SEMA4D: variants seen among roughly 807,000 people sequenced by gnomAD.
The protein encoded by SEMA4D is semaphorin 4D, also known as semaphorin-4D.
Under a neutral mutation model 74.8 loss-of-function variants are expected in SEMA4D, and 22 were observed. The ratio of observed to expected loss-of-function variants is 0.29; its 90% confidence interval spans 0.21 to 0.42. SEMA4D has a LOEUF of 0.42. Among genes scored for constraint, SEMA4D ranks in the 10% least tolerant of loss-of-function variants. The probability of loss-of-function intolerance (pLI) is 1.00; values close to 1 mark genes in which losing one functional copy is unlikely to be tolerated. For missense variants in SEMA4D, 937 were observed against 1,118.4 expected, an observed-to-expected ratio of 0.84 and a Z score of 2.31; for synonymous variants, 445 against 463.7, an observed-to-expected ratio of 0.96 and a Z score of 0.52.
At chr9:89,400,006 CAAAAAAAAAAAAAA>C (rs33925502) in intron 4 of SEMA4D, among the ~76,000 whole-genome samples, 3 of 58,980 alleles carry the variant, frequency 5.1e-5, no homozygotes, top group African/African-American at 1.8e-4. Flanking sequence ...GACTCCGTCT[CAAAAAAAAAAAAAA>C]AAAAAAAAAA....
At chr9:89,491,830 G>A (rs1825652163) in intron 1 of SEMA4D, among the ~76,000 whole-genome samples, 1 of 152,144 alleles carries the variant, frequency 6.6e-6, no homozygotes. Flanking sequence ...AATGCTCACA[G>A]TCCACCAGCG....
At position 89,491,879 on chromosome 9, in the gene SEMA4D, G is replaced by A. The variant is rs576164510; in HGVS notation, c.-310+6040C>T. Among the ~76,000 whole-genome samples, 156 of 152,204 alleles carry A rather than the reference G, an allele frequency of 1.0e-3. 1 individual carries two copies. The highest frequency in any genetic ancestry group is 1.2e-3 in the South Asian group (6 of 4,816). ...ATGCATCTGTGGGCCCCGGGGCCAA[G>A]AGGAGGCACAGCACACACCGAGAGT... is the stretch of plus-strand genomic sequence containing the variant. On this transcript the variant is annotated intron_variant, in intron 1 of 15. Transcript: ENST00000422704.
intron 2 of SEMA4D, among the ~76,000 whole-genome samples, chr9:89,417,860 C>A (rs1846057798): frequency 6.6e-6 from 1 of 152,216 alleles, no homozygotes; most frequent in African/African-American, 2.4e-5. Flanking sequence ...CAGAGACAGA[C>A]AATCACTGTG....
At chr9:89,439,058 TG>T (rs1383241007) in intron 2 of SEMA4D, among the ~76,000 whole-genome samples, 239 of 135,370 alleles carry the variant, frequency 1.8e-3, no homozygotes, top group African/African-American at 6.2e-3. Context: ...CTCCGCTCAC[TG>T]CAACCTCTGC....
At chr9:89,450,594 G>C in intron 2 of SEMA4D, 4 of 812,710 alleles carry the variant, frequency 4.9e-6, no homozygotes, top group Non-Finnish European at 8.1e-6. Flanking sequence ...CTATAAGTCT[G>C]AGATGAAGGT....
chr9:89,372,350 TGTG>T (rs543919553), downstream of SEMA4D, among the ~76,000 whole-genome samples: 1,399 of 102,744 alleles, frequency 0.014, 14 homozygotes, highest in Middle Eastern at 0.047. Flanking sequence ...GGGGGTGTGG[TGTG>T]GTGTGTGTCT....
chr9:89,458,252 G>A (rs1204642669), intron 1 of SEMA4D, among the ~76,000 whole-genome samples: 1 of 152,118 alleles, frequency 6.6e-6, no homozygotes, highest in Non-Finnish European at 1.5e-5. Flanking sequence ...TTCGTGCTGT[G>A]GAGTGGCCTG....
intron 2 of SEMA4D, among the ~76,000 whole-genome samples, chr9:89,424,842 TC>T (rs111569822): frequency 0.013 from 1,909 of 152,124 alleles, 36 homozygotes; most frequent in African/African-American, 0.043. Context: ...CGGCCTTCAG[TC>T]CCCCTACACA....
chr9:89,496,863 G>A (rs915346746), intron 1 of SEMA4D, among the ~76,000 whole-genome samples: 11 of 152,190 alleles, frequency 7.2e-5, no homozygotes, highest in African/African-American at 2.4e-4. Context: ...GTTCCGTGGC[G>A]CCTGGTGGAT....
At position 89,387,637 on chromosome 9, in the gene SEMA4D, G is replaced by A. The variant is rs753789097; in HGVS notation, c.1108-29C>T. The A allele has an allele frequency of 1.9e-5, 30 of 1,602,050 alleles. No individual in the cohort carries two copies. The Admixed American group carries it at 2.0e-4, about 11-fold the overall frequency. On this transcript the variant is annotated intron_variant, in intron 11 of 15. Transcript: ENST00000422704. ...CAGGGAGAAAATCCCCGCTGTTAAC[G>A]TGCTCGTGTCCCACCACGCAACGGG...
At position 89,425,335 on chromosome 9, in the gene SEMA4D, T is replaced by TCC. The variant is rs1352406454; in HGVS notation, c.-243-19638_-243-19637dup. On this transcript the variant is annotated intron_variant, in intron 2 of 15. Coordinates refer to ENST00000422704, the MANE Select transcript of SEMA4D (RefSeq NM_001371194.2). ...GACCTGCCCTCTGGGAACAGATGCCTCCCCTCAGCTGGTCTTCATTCACGG... is the reference window on the plus strand; with the variant it reads ...GACCTGCCCTCTGGGAACAGATGCCTCCCCCCTCAGCTGGTCTTCATTCACGG... Among the ~76,000 whole-genome samples, 24 of 152,084 alleles carry TCC rather than the reference T, an allele frequency of 1.6e-4. 1 individual carries two copies. The highest frequency in any genetic ancestry group is 4.6e-4 in the Admixed American group (7 of 15,280).
rs553572985 is a variant in SEMA4D, at chr9:89,484,200, G to C, written c.-310+13719C>G. On this transcript the variant is annotated intron_variant, in intron 1 of 15. Transcript: ENST00000422704. This position sits in a 1 kb window ranked among gnomAD's most constrained non-coding sequence, Gnocchi z 4.1. Reference sequence around the variant, plus strand: ...TGGGCTGCATCTGGGAGAGGCAAGCGAGGGGCCGGCCAGCTTCACTGCCTG... The same window carrying C: ...TGGGCTGCATCTGGGAGAGGCAAGCCAGGGGCCGGCCAGCTTCACTGCCTG... Among the ~76,000 whole-genome samples, 444 of 152,356 alleles carry C rather than the reference G, an allele frequency of 2.9e-3. 3 individuals carry two copies. The highest frequency in any genetic ancestry group is 0.01 in the African/African-American group (416 of 41,592).
intron 1 of SEMA4D, among the ~76,000 whole-genome samples, chr9:89,477,138 ACT>A (rs912212165): frequency 7.4e-4 from 113 of 151,818 alleles, no homozygotes; most frequent in African/African-American, 2.6e-3. Context: ...AATCCAAGAA[ACT>A]CTCCCAGAAT....
chr9:89,408,931 G>T (rs934579894), intron 2 of SEMA4D, among the ~76,000 whole-genome samples: 2 of 152,226 alleles, frequency 1.3e-5, no homozygotes, highest in African/African-American at 4.8e-5. Flanking sequence ...AAAAGAAACA[G>T]CAATGAGCTG....
chr9:89,461,440 T>C (rs969543618), intron 1 of SEMA4D, among the ~76,000 whole-genome samples: 2 of 152,114 alleles, frequency 1.3e-5, no homozygotes, highest in African/African-American at 4.8e-5. Flanking sequence ...CCAAATTGTA[T>C]GTTTGCGTCT....
At chr9:89,380,972 A>G in intron 15 of SEMA4D, 83 bp downstream of exon 15, 1 of 1,514,120 alleles carries the variant, frequency 6.6e-7, no homozygotes, top group South Asian at 1.1e-5. Flanking sequence ...AACACACACA[A>G]ATGCCACAGA....
At chr9:89,446,212 G>C (rs1331641576) in intron 2 of SEMA4D, among the ~76,000 whole-genome samples, 1 of 152,146 alleles carries the variant, frequency 6.6e-6, no homozygotes, top group Non-Finnish European at 1.5e-5. Context: ...TGTGCCCTCT[G>C]TGCCCGATCT....
intron 2 of SEMA4D, among the ~76,000 whole-genome samples, chr9:89,428,230 T>C (rs1334991823): frequency 6.6e-6 from 1 of 152,158 alleles, no homozygotes; most frequent in Non-Finnish European, 1.5e-5. Flanking sequence ...TGGTCACAAG[T>C]TGAGGACCAC....
intron 13 of SEMA4D, chr9:89,385,129 C>A (rs930393337): frequency 4.6e-5 from 42 of 912,360 alleles, no homozygotes; most frequent in Admixed American, 1.2e-4. Context: ...TGGGAGATGG[C>A]GGGTGGGCAC....
Sources: gnomAD v4.1 joint callset for allele counts (sites outside exome capture counted in the v4.1 genomes callset) on GRCh38, gnomAD v4.1.1 for gene constraint, Gnocchi (gnomAD v3.1) non-coding constraint, MANE v1.5 for transcripts, NCBI Gene and HGNC (gene_info 2026-07-23, HGNC 2026-07-21) for gene names.